DPYD: variants seen among roughly 807,000 people sequenced by gnomAD.
DPYD encodes the protein dihydropyrimidine dehydrogenase, also known as dihydropyrimidine dehydrogenase [NADP(+)].
Under a neutral mutation model 116.2 loss-of-function variants are expected in DPYD, and 109 were observed. The observed-to-expected ratio is 0.94, with a 90% CI of 0.80 to 1.10. DPYD has a LOEUF of 1.10. Ranked by LOEUF, DPYD falls within the 50% of genes least tolerant of loss-of-function variation. The pLI, the probability that DPYD is intolerant of heterozygous loss-of-function variation, is 0.00. For synonymous variants in DPYD, 440 were observed against 432.0 expected (o/e 1.02, Z -0.23); for missense variants, 1,302 against 1,254.5 (o/e 1.04, Z -0.57).
At chr1:97,527,988 C>G (rs1649281887) in intron 12 of DPYD, among the ~76,000 whole-genome samples, 1 of 152,040 alleles carries the variant, frequency 6.6e-6, no homozygotes, top group Non-Finnish European at 1.5e-5. Context: ...TCTTGGAGTA[C>G]AGCTGCTATA....
chr1:97,594,215 C>T (rs1439461843), intron 9 of DPYD, among the ~76,000 whole-genome samples: 1 of 152,052 alleles, frequency 6.6e-6, no homozygotes, highest in Non-Finnish European at 1.5e-5. Context: ...TAAGTGTAAT[C>T]ATTTTGCTTG....
In DPYD at chr1:97,677,341, T is replaced by A. The variant is rs1236088841; in HGVS notation, c.850+1754A>T. Reference sequence around the variant, plus strand: ...ATACTCAAATAATGGAAAACATATCTTTTAGTACATTGGTGAATTTCAAAT... The same window carrying A: ...ATACTCAAATAATGGAAAACATATCATTTAGTACATTGGTGAATTTCAAAT... On this transcript the variant is annotated intron_variant, in intron 8 of 22. Transcript: ENST00000370192. 2.0e-5 allele frequency among the ~76,000 whole-genome samples: 3 copies of A among 152,148 alleles called. No homozygotes were observed. In the East Asian group the frequency reaches 5.8e-4, roughly 29 times the overall value.
intron 14 of DPYD, among the ~76,000 whole-genome samples, chr1:97,394,710 G>T (rs1197820487): frequency 6.6e-6 from 1 of 151,930 alleles, no homozygotes; most frequent in Non-Finnish European, 1.5e-5. Context: ...CCTTCAATTT[G>T]TAAAAAAAGC....
chr1:97,294,959 T>C (rs1666432126), intron 18 of DPYD, among the ~76,000 whole-genome samples: 2 of 152,194 alleles, frequency 1.3e-5, no homozygotes, highest in South Asian at 4.1e-4. Flanking sequence ...AAATGTTAGA[T>C]TAGTAAGTGA....
intron 20 of DPYD, among the ~76,000 whole-genome samples, chr1:97,168,509 G>A (rs1346211651): frequency 6.6e-6 from 1 of 152,136 alleles, no homozygotes; most frequent in African/African-American, 2.4e-5. Flanking sequence ...TAAGAGTTGG[G>A]TGAAAATTGT....
intron 16 of DPYD, among the ~76,000 whole-genome samples, chr1:97,322,234 T>C (rs907557299): frequency 3.4e-5 from 5 of 146,174 alleles, no homozygotes; most frequent in African/African-American, 1.3e-4. Context: ...TAAAGTATAA[T>C]AAAAAAAAAT....
intron 2 of DPYD, among the ~76,000 whole-genome samples, chr1:97,858,709 C>A (rs1206532043): frequency 2.6e-5 from 4 of 152,000 alleles, no homozygotes; most frequent in Non-Finnish European, 4.4e-5. Flanking sequence ...AATGAAACTA[C>A]GTAAACATAC....
At chr1:97,402,157 C>A (rs7548189) in intron 14 of DPYD, among the ~76,000 whole-genome samples, 29,165 of 151,974 alleles carry the variant, frequency 0.19, 2,978 homozygotes, top group South Asian at 0.38. Context: ...ATGCCCACAA[C>A]ACAACTTGCG....
intron 13 of DPYD, among the ~76,000 whole-genome samples, chr1:97,460,836 C>T (rs959496939): frequency 6.6e-6 from 1 of 152,004 alleles, no homozygotes; most frequent in Non-Finnish European, 1.5e-5. Flanking sequence ...GTCGGGAGTT[C>T]AAGACCAGCC....
chr1:97,168,881 C>CT (rs1656513591), intron 20 of DPYD, among the ~76,000 whole-genome samples: 1 of 149,356 alleles, frequency 6.7e-6, no homozygotes, highest in Admixed American at 6.7e-5. Context: ...GAGTCTCACT[C>CT]TGTCACCCAG....
intron 14 of DPYD, among the ~76,000 whole-genome samples, chr1:97,424,257 C>T (rs1319861130): frequency 4.6e-5 from 7 of 152,010 alleles, no homozygotes; most frequent in South Asian, 2.1e-4. Context: ...ATGGGTGTTT[C>T]GTGGTTACAT....
At chr1:97,822,973 TC>T (rs1669035581) in intron 3 of DPYD, among the ~76,000 whole-genome samples, 1 of 152,218 alleles carries the variant, frequency 6.6e-6, no homozygotes, top group Non-Finnish European at 1.5e-5. Context: ...TTTGTGATTG[TC>T]CCCATTTGCA....
intron 14 of DPYD, among the ~76,000 whole-genome samples, chr1:97,407,241 G>A (rs1400753066): frequency 6.6e-6 from 1 of 152,044 alleles, no homozygotes; most frequent in Non-Finnish European, 1.5e-5. Flanking sequence ...CAAATAGTCT[G>A]GGTACATTTT....
chr1:97,503,268 C>A (rs1022210107), intron 13 of DPYD, among the ~76,000 whole-genome samples: 2 of 151,874 alleles, frequency 1.3e-5, no homozygotes, highest in African/African-American at 4.8e-5. Flanking sequence ...TTTGTTTATT[C>A]CCCCCATTTA....
chr1:97,452,511 C>A (rs924157669), intron 13 of DPYD, among the ~76,000 whole-genome samples: 1 of 152,046 alleles, frequency 6.6e-6, no homozygotes, highest in African/African-American at 2.4e-5. Flanking sequence ...GCTGAACAGA[C>A]CAGTGGTTTG....
At chr1:97,280,131 G>A (rs1665218274) in intron 18 of DPYD, 1 of 151,958 alleles carries the variant, frequency 6.6e-6, no homozygotes, top group East Asian at 1.9e-4. Context: ...CATACTCAAG[G>A]CTTCCAATCA....
chr1:97,811,661 C>G (rs1200512910), intron 3 of DPYD, among the ~76,000 whole-genome samples: 1 of 152,002 alleles, frequency 6.6e-6, no homozygotes, highest in Non-Finnish European at 1.5e-5. Flanking sequence ...ATTCTTAATT[C>G]CATCTTAATA....
chr1:97,165,611 A>T (rs1363155468), intron 20 of DPYD, among the ~76,000 whole-genome samples: 1 of 152,216 alleles, frequency 6.6e-6, no homozygotes, highest in Non-Finnish European at 1.5e-5. Context: ...ACAGAAAAAG[A>T]GAATGTCAAC....
At chr1:97,885,495 T>G (rs1361452665) in intron 1 of DPYD, among the ~76,000 whole-genome samples, 1 of 152,080 alleles carries the variant, frequency 6.6e-6, no homozygotes, top group Non-Finnish European at 1.5e-5. Context: ...AAAATAAATG[T>G]TATACTTAGT....
Sources: allele counts gnomAD v4.1 joint callset (sites outside exome capture counted in the v4.1 genomes callset), GRCh38; gene constraint gnomAD v4.1.1; transcripts MANE v1.5; gene names NCBI Gene and HGNC (gene_info 2026-07-23, HGNC 2026-07-21).